The following NRXN1 variants were observed in gnomAD, a reference collection of about 807,000 sequenced individuals.
The protein encoded by NRXN1 is neurexin 1.
A neutral mutation model predicts 150.9 loss-of-function variants in NRXN1; 39 were observed. The ratio of observed to expected loss-of-function variants is 0.26; its 90% CI spans 0.20 to 0.34. The LOEUF is 0.34. NRXN1 is among the 10% of genes least tolerant of loss of function. NRXN1 has a pLI of 1.00. For synonymous variants in NRXN1, 924 were observed against 757.0 expected, an observed-to-expected ratio of 1.22 and a Z score of -3.62; for missense variants, 1,815 against 1,949.9, an observed-to-expected ratio of 0.93 and a Z score of 1.30.
intron 21 of NRXN1, among the ~76,000 whole-genome samples, chr2:50,002,801 G>A (rs1412250722): frequency 6.6e-6 from 1 of 152,104 alleles, no homozygotes; most frequent in Non-Finnish European, 1.5e-5. Context: ...TGATAAAGAT[G>A]AGCCAGCTCA....
At chr2:50,257,244 T>A (rs761269985) in intron 17 of NRXN1, among the ~76,000 whole-genome samples, 2 of 152,102 alleles carry the variant, frequency 1.3e-5, no homozygotes, top group African/African-American at 4.8e-5. Flanking sequence ...ACCTTTTTAA[T>A]AGTAAACTGA....
At chr2:50,364,080 G>A (rs1407526398) in intron 17 of NRXN1, among the ~76,000 whole-genome samples, 3 of 152,066 alleles carry the variant, frequency 2.0e-5, no homozygotes, top group Non-Finnish European at 4.4e-5. Context: ...TCACCCACTG[G>A]GGCCTGTTGG....
At chr2:50,437,841 G>A (rs989367220) in intron 17 of NRXN1, among the ~76,000 whole-genome samples, 2 of 152,150 alleles carry the variant, frequency 1.3e-5, no homozygotes, top group Non-Finnish European at 2.9e-5. Flanking sequence ...TGCATCCTCT[G>A]AGCCAGAAAC....
intron 2 of NRXN1, among the ~76,000 whole-genome samples, chr2:50,968,470 T>C (rs1352560400): frequency 6.6e-6 from 1 of 152,052 alleles, no homozygotes; most frequent in Non-Finnish European, 1.5e-5. Flanking sequence ...CCATGCTCTC[T>C]CCATATAATG....
chr2:50,495,458 G>T (rs752826067), intron 15 of NRXN1, among the ~76,000 whole-genome samples: 2 of 149,666 alleles, frequency 1.3e-5, no homozygotes, highest in Non-Finnish European at 3.0e-5. Flanking sequence ...GAGACACAGG[G>T]TTTCTAAGCC....
chr2:50,585,492 A>G (rs1009615860), intron 8 of NRXN1, among the ~76,000 whole-genome samples: 1 of 152,176 alleles, frequency 6.6e-6, no homozygotes, highest in African/African-American at 2.4e-5. Context: ...TATATACTAA[A>G]AAATGGTCAA....
At chr2:50,635,676 A>C (rs1683136298) in intron 5 of NRXN1, among the ~76,000 whole-genome samples, 1 of 152,160 alleles carries the variant, frequency 6.6e-6, no homozygotes, top group South Asian at 2.1e-4. Flanking sequence ...TTGGTAAAAA[A>C]AGCTAACCTC....
intron 5 of NRXN1, among the ~76,000 whole-genome samples, chr2:50,881,578 G>C (rs1187803670): frequency 6.6e-6 from 1 of 151,598 alleles, no homozygotes; most frequent in East Asian, 1.9e-4. Flanking sequence ...GGACACACAG[G>C]GTTTTCTTTC....
intron 17 of NRXN1, among the ~76,000 whole-genome samples, chr2:50,324,753 A>ACTC (rs1286640726): frequency 8.3e-4 from 125 of 151,028 alleles, no homozygotes; most frequent in African/African-American, 2.9e-3. Context: ...TTCTCCTTCC[A>ACTC]CTCCTCCAAC....
intron 15 of NRXN1, among the ~76,000 whole-genome samples, chr2:50,489,429 A>G (rs1364335917): frequency 6.6e-6 from 1 of 152,074 alleles, no homozygotes; most frequent in Non-Finnish European, 1.5e-5. Flanking sequence ...ATTTCTTTTC[A>G]GTGTGTTGCT....
chr2:50,582,197 T>G (rs146609152), intron 8 of NRXN1, among the ~76,000 whole-genome samples: 1 of 152,128 alleles, frequency 6.6e-6, no homozygotes, highest in Non-Finnish European at 1.5e-5. Flanking sequence ...ATTAGTTTAA[T>G]AGATGGCTAA....
intron 17 of NRXN1, among the ~76,000 whole-genome samples, chr2:50,300,687 T>A (rs1002541274): frequency 3.3e-5 from 5 of 152,138 alleles, no homozygotes. Flanking sequence ...CCTATGAGAA[T>A]GGCCATCTTG....
chr2:50,123,235 G>C (rs1704111414), intron 18 of NRXN1, among the ~76,000 whole-genome samples: 1 of 152,028 alleles, frequency 6.6e-6, no homozygotes, highest in African/African-American at 2.4e-5. Flanking sequence ...GTGAGAGAGA[G>C]GTAAAAGAAG....
chr2:49,937,520 G>C (rs1448529397), intron 22 of NRXN1, among the ~76,000 whole-genome samples: 5 of 152,086 alleles, frequency 3.3e-5, no homozygotes, highest in Admixed American at 2.6e-4. Flanking sequence ...CCAGTGTTCT[G>C]GACAATTAAA....
intron 18 of NRXN1, among the ~76,000 whole-genome samples, chr2:50,158,758 G>T (rs1002599386): frequency 6.6e-6 from 1 of 151,970 alleles, no homozygotes; most frequent in African/African-American, 2.4e-5. Flanking sequence ...TGAAGACATT[G>T]GTCTCCTTTA....
chr2:50,802,919 C>T (rs1006054669), intron 5 of NRXN1, among the ~76,000 whole-genome samples: 4 of 152,068 alleles, frequency 2.6e-5, no homozygotes, highest in African/African-American at 9.7e-5. Context: ...ACACAAGGAA[C>T]GATTTCTCTG....
At chr2:50,824,867 T>C (rs1670232527) in intron 5 of NRXN1, among the ~76,000 whole-genome samples, 1 of 152,192 alleles carries the variant, frequency 6.6e-6, no homozygotes, top group African/African-American at 2.4e-5. Flanking sequence ...GGAATACTTG[T>C]TTTAAAATTG....
intron 5 of NRXN1, among the ~76,000 whole-genome samples, chr2:50,652,342 C>T (rs531594077): frequency 1.3e-5 from 2 of 152,062 alleles, no homozygotes; most frequent in Non-Finnish European, 2.9e-5. Context: ...AATTTTACAA[C>T]ATTTTCATTG....
At chr2:50,821,728 A>G (rs1410770554) in intron 5 of NRXN1, among the ~76,000 whole-genome samples, 2 of 152,176 alleles carry the variant, frequency 1.3e-5, no homozygotes, top group African/African-American at 2.4e-5. Flanking sequence ...TAATGTGCAC[A>G]TTGCACACGT....
Sources: gnomAD v4.1 joint callset for allele counts (sites outside exome capture counted in the v4.1 genomes callset) on GRCh38, gnomAD v4.1.1 for gene constraint, MANE v1.5 for transcripts, NCBI Gene and HGNC (gene_info 2026-07-23, HGNC 2026-07-21) for gene names.